Variants in NXNL2 observed in about 807,000 individuals in gnomAD.
The protein encoded by NXNL2 is nucleoredoxin like 2.
In NXNL2, 7 loss-of-function variants were observed where a neutral mutation model predicts 11.1. That is an observed-to-expected ratio of 0.63 (90% CI 0.36 to 1.18). NXNL2 has a LOEUF of 1.18. Ranked by LOEUF, NXNL2 falls within the 50% of genes most tolerant of loss-of-function variation. The probability of loss-of-function intolerance (pLI) is 0.02; values close to 1 mark genes in which losing one functional copy is unlikely to be tolerated. For synonymous variants in NXNL2, 109 were observed against 101.8 expected (o/e 1.07, Z -0.42); for missense variants, 233 against 217.7 (o/e 1.07, Z -0.44).
chr9:88,543,310 A>C (rs969507168), intron 1 of NXNL2, among the ~76,000 whole-genome samples: 1 of 150,814 alleles, frequency 6.6e-6, no homozygotes, highest in African/African-American at 2.4e-5. Context: ...TCTGCCGCCC[A>C]GGCTGGAATG....
chr9:88,564,325 C>T (rs940692324), intron 1 of NXNL2, among the ~76,000 whole-genome samples: 2 of 147,042 alleles, frequency 1.4e-5, no homozygotes, highest in South Asian at 2.2e-4. Flanking sequence ...ATCTATCTAT[C>T]GTCTATTTAT....
Position 88,550,554 on chromosome 9 carries a change from G to A in NXNL2, c.302+14818G>A, listed in dbSNP as rs369524581. Among the ~76,000 whole-genome samples the A allele has an allele frequency of 6.0e-4, 92 of 152,354 alleles. 1 individual carries two copies. The South Asian group carries it at 0.018, about 29-fold the overall frequency. Reference sequence around the variant, plus strand: ...GCTACACATTGGTTTGGCCTAAAAAGGTGGGACATCTTGAAGCAGGGAAGC... The same window carrying A: ...GCTACACATTGGTTTGGCCTAAAAAAGTGGGACATCTTGAAGCAGGGAAGC... On this transcript the variant is annotated intron_variant, in intron 1 of 2. Transcript: ENST00000375855.
rs1460765830 is a variant in NXNL2, at chr9:88,535,618, C to T, written c.184C>T (p.Pro62Ser). 16 of 1,608,516 alleles carry T rather than the reference C, an allele frequency of 9.9e-6. No homozygotes were observed. Among genetic ancestry groups the T allele is most frequent in the Non-Finnish European group, 1.3e-5 (15 of 1,179,302 alleles). Reference protein sequence around the residue: ...YTALVAEARRPAPFEVVFVSA... With the variant: ...YTALVAEARRSAPFEVVFVSA... ...GGCGCTGGTGGCCGAGGCGCGGCGG[C>T]CCGCGCCCTTCGAAGTGGTCTTCGT... is the stretch of plus-strand genomic sequence containing the variant. Residue 62 changes from proline to serine, a missense_variant, in exon 1 of 2, where the codon CCC (proline) becomes TCC (serine). By Grantham distance (74) the Pro-to-Ser change is moderately conservative. Transcript: ENST00000375854.
intron 2 of NXNL2, among the ~76,000 whole-genome samples, chr9:88,573,916 C>T (rs1002015052): frequency 3.3e-5 from 5 of 152,134 alleles, no homozygotes; most frequent in African/African-American, 9.7e-5. Context: ...TCAAAGGCAC[C>T]GTGAGATACC....
At chr9:88,568,317 C>G (rs1392836591) in intron 1 of NXNL2, among the ~76,000 whole-genome samples, 1 of 152,192 alleles carries the variant, frequency 6.6e-6, no homozygotes, top group African/African-American at 2.4e-5. Context: ...GGGATCCACA[C>G]TGAGAACTTC....
chr9:88,559,147 G>A (rs948015644), intron 1 of NXNL2, among the ~76,000 whole-genome samples: 7 of 152,164 alleles, frequency 4.6e-5, no homozygotes, highest in African/African-American at 1.7e-4. Flanking sequence ...CTGCTCTCTT[G>A]TTTGCTTCCA....
intron 1 of NXNL2, among the ~76,000 whole-genome samples, chr9:88,552,157 C>G (rs931346945): frequency 5.3e-5 from 8 of 152,160 alleles, no homozygotes; most frequent in African/African-American, 1.4e-4. Flanking sequence ...CCAGCTCTGG[C>G]CCAGATCACG....
chr9:88,542,754 C>T (rs1481424948), intron 1 of NXNL2, among the ~76,000 whole-genome samples: 1 of 152,190 alleles, frequency 6.6e-6, no homozygotes, highest in African/African-American at 2.4e-5. Flanking sequence ...CATATTCTCT[C>T]TCTGTTGAGC....
chr9:88,556,173 G>A lies in NXNL2; in HGVS notation c.303-14914G>A, dbSNP rs151270748. ...GCTCTTCTCTCATAGTCTGGTGAAT[G>A]GGAGTGCATCACCGCCTGCAACTTG... On this transcript the variant is annotated intron_variant, in intron 1 of 2. Transcript: ENST00000375855. 4.8e-3 allele frequency among the ~76,000 whole-genome samples: 734 copies of A among 152,282 alleles called. 10 individuals carry two copies. Among genetic ancestry groups the A allele is most frequent in the African/African-American group, 0.017 (688 of 41,568 alleles).
At chr9:88,580,406 C>T (rs991606051), downstream of NXNL2, among the ~76,000 whole-genome samples, 16 of 152,068 alleles carry the variant, frequency 1.1e-4, no homozygotes, top group Non-Finnish European at 1.8e-4. Flanking sequence ...CCACCTGCCT[C>T]GGTCTTCCAA....
chr9:88,545,134 T>A (rs1383703754), downstream of NXNL2, among the ~76,000 whole-genome samples: 1 of 152,250 alleles, frequency 6.6e-6, no homozygotes, highest in African/African-American at 2.4e-5. Flanking sequence ...TTGTTTTCTT[T>A]ACACTTATTT....
At chr9:88,576,884 G>C (rs927196009), downstream of NXNL2, among the ~76,000 whole-genome samples, 6 of 152,092 alleles carry the variant, frequency 3.9e-5, no homozygotes, top group African/African-American at 9.7e-5. Context: ...GCTTCTTCTC[G>C]GCCATGCTTA....
downstream of NXNL2, among the ~76,000 whole-genome samples, chr9:88,548,168 G>A (rs551545294): frequency 1.1e-4 from 16 of 150,396 alleles, no homozygotes; most frequent in Admixed American, 6.0e-4. Context: ...GTGAAACCCC[G>A]TCTCTACTAA....
At position 88,535,462 on chromosome 9, in the gene NXNL2, C is replaced by G. The variant is rs907347704; in HGVS notation, c.28C>G (p.Leu10Val). MVDILGERH[L>V]VTCKGATVEA... ...GGTTGACATTCTGGGCGAGCGGCAC[C>G]TGGTGACCTGTAAGGGCGCGACGGT... The change falls in exon 1 of 2, where the codon CTG (leucine) becomes GTG (valine). Residue 10 changes from leucine (L) to valine (V), a missense_variant. Leu to Val is a conservative substitution (Grantham distance 32). Coordinates refer to ENST00000375854, the MANE Select transcript of NXNL2 (RefSeq NM_001161625.2). 1.2e-6 allele frequency: 2 copies of G among 1,606,664 alleles called. No individual in the cohort carries two copies. The highest frequency in any genetic ancestry group is 2.7e-5 in the African/African-American group (2 of 74,810).
chr9:88,560,692 C>T (rs185341396), intron 1 of NXNL2, among the ~76,000 whole-genome samples: 3 of 152,184 alleles, frequency 2.0e-5, no homozygotes, highest in Admixed American at 1.3e-4. Flanking sequence ...CGCTTGAGCT[C>T]AGGAGTTTGA....
rs1829825718 is a variant in NXNL2 at position 88,544,778 on chromosome 9, CT to C, written c.*234del. ...GTTATTTTTGTTATTCTTTGCATAC[CT>C]TTATCCACCTGTGCTTAAGGAAGGA... On this transcript the variant is annotated 3_prime_UTR_variant, in exon 2 of 2. Transcript: ENST00000375854. 1 of 1,262,530 alleles carries C rather than the reference CT, an allele frequency of 7.9e-7. No individual in the cohort carries two copies. The highest frequency in any genetic ancestry group is 1.6e-5 in the African/African-American group (1 of 64,430). 78.2% of individuals were successfully genotyped at this position (1,262,530 alleles called of 1,614,324 possible).
In NXNL2 at chr9:88,535,664, A is replaced by G. The variant is rs768455435; in HGVS notation, c.230A>G (p.Gln77Arg). The change falls in exon 1 of 2, where the codon CAG becomes CGG. Residue 77 changes from glutamine to arginine, a missense_variant. By Grantham distance (43) the Gln-to-Arg change is conservative. Coordinates refer to ENST00000375854, the MANE Select transcript of NXNL2 (RefSeq NM_001161625.2). ...TTCGTGTCAGCCGACGGCAGCTCCCAGGAGATGCTGGACTTCATGCGCGAG... is the reference window on the plus strand; with the variant it reads ...TTCGTGTCAGCCGACGGCAGCTCCCGGGAGATGCTGGACTTCATGCGCGAG... ...VVFVSADGSS[Q>R]EMLDFMRELH... 1.9e-6 allele frequency: 3 copies of G among 1,607,574 alleles called. No homozygotes were observed. Among genetic ancestry groups the G allele is most frequent in the Non-Finnish European group, 2.5e-6 (3 of 1,179,032 alleles).
At chr9:88,581,571 C>T (rs535259527) in intron 1 of NXNL2, among the ~76,000 whole-genome samples, 2 of 152,146 alleles carry the variant, frequency 1.3e-5, no homozygotes, top group East Asian at 3.9e-4. Flanking sequence ...CTCAGCCTCC[C>T]GAGTAGCTGC....
intron 2 of NXNL2, chr9:88,575,025 T>C: frequency 2.3e-6 from 1 of 429,768 alleles, no homozygotes; most frequent in Non-Finnish European, 3.1e-6. Context: ...TTTTTAAGCT[T>C]AAGAGGAGGT....
Sources: allele counts gnomAD v4.1 joint callset (sites outside exome capture counted in the v4.1 genomes callset), GRCh38; gene constraint gnomAD v4.1.1; transcripts MANE v1.5; gene names NCBI Gene and HGNC (gene_info 2026-07-23, HGNC 2026-07-21).